The following CD82 variants were observed in gnomAD, a reference collection of about 807,000 sequenced individuals.
The protein encoded by CD82 is CD82 molecule, also known as CD82 antigen.
Under a neutral mutation model 37.4 loss-of-function variants are expected in CD82, and 36 were observed. The ratio of observed to expected loss-of-function variants is 0.96; its 90% CI spans 0.74 to 1.27. The LOEUF (loss-of-function observed/expected upper bound fraction) is 1.27, where lower values mean the gene tolerates loss of function less well. CD82 is among the 50% of genes most tolerant of loss of function. The pLI, the probability that CD82 is intolerant of heterozygous loss-of-function variation, is 0.00. For synonymous variants in CD82, 158 were observed against 137.4 expected (o/e 1.15, Z -1.05); for missense variants, 340 against 347.0 (o/e 0.98, Z 0.16).
intron 2 of CD82, among the ~76,000 whole-genome samples, chr11:44,588,575 A>T (rs1190897189): frequency 3.3e-5 from 5 of 152,212 alleles, no homozygotes; most frequent in South Asian, 2.1e-4. Flanking sequence ...TGAGGCTCAG[A>T]GAGGTTAAGT....
chr11:44,598,716 G>A (rs1422482418), intron 3 of CD82, among the ~76,000 whole-genome samples: 1 of 152,138 alleles, frequency 6.6e-6, no homozygotes, highest in Non-Finnish European at 1.5e-5. Flanking sequence ...CGTGCCTTGG[G>A]CCGGTCCTGG....
intron 6 of CD82, 81 bp from the exon 7 acceptor site, chr11:44,615,191 G>A (rs975682524): frequency 2.3e-6 from 2 of 878,954 alleles, no homozygotes; most frequent in Non-Finnish European, 3.8e-6. Flanking sequence ...GGAACGGGGG[G>A]AGGCAGTTTA....
intron 7 of CD82, among the ~76,000 whole-genome samples, chr11:44,617,272 T>C (rs1853577412): frequency 6.6e-6 from 1 of 152,150 alleles, no homozygotes; most frequent in African/African-American, 2.4e-5. Flanking sequence ...ATGGCAGAAT[T>C]GACCAGCTAG....
intron 6 of CD82, among the ~76,000 whole-genome samples, chr11:44,614,837 AG>A (rs1432694729): frequency 6.6e-6 from 1 of 152,152 alleles, no homozygotes; most frequent in Admixed American, 6.5e-5. Flanking sequence ...GCAGGTGCAA[AG>A]GCCCCAAGGC....
chr11:44,615,614 T>C (rs1205501339), intron 7 of CD82, among the ~76,000 whole-genome samples: 2 of 152,158 alleles, frequency 1.3e-5, no homozygotes, highest in African/African-American at 4.8e-5. Context: ...CCAGAGAGCA[T>C]GGGGGCAGTT....
intron 1 of CD82, among the ~76,000 whole-genome samples, chr11:44,579,844 TC>T (rs1484286744): frequency 6.6e-6 from 1 of 152,172 alleles, no homozygotes; most frequent in African/African-American, 2.4e-5. Flanking sequence ...GGAGCTGGGC[TC>T]CCGTCATGGA....
At chr11:44,567,381 CTG>C (rs769311955) in intron 1 of CD82, among the ~76,000 whole-genome samples, 11 of 148,872 alleles carry the variant, frequency 7.4e-5, no homozygotes, top group African/African-American at 1.2e-4. Flanking sequence ...GTGCAGGAGA[CTG>C]TGTGTGTATG....
chr11:44,577,993 C>T (rs12577062), intron 1 of CD82, among the ~76,000 whole-genome samples: 8,598 of 152,152 alleles, frequency 0.057, 301 homozygotes, highest in African/African-American at 0.094. Context: ...TCCCTGGGCA[C>T]GTTACTAACC....
chr11:44,586,244 G>A (rs569991403), intron 1 of CD82, among the ~76,000 whole-genome samples: 10 of 151,218 alleles, frequency 6.6e-5, no homozygotes, highest in Admixed American at 1.3e-4. Flanking sequence ...TAATTCCTGT[G>A]TGCAGCCAAG....
At chr11:44,573,039 C>A (rs1323201336) in intron 1 of CD82, 1 of 152,298 alleles carries the variant, frequency 6.6e-6, no homozygotes, top group Non-Finnish European at 1.5e-5. Context: ...CGGGGCCCCA[C>A]TGAGTCTGCC....
chr11:44,618,572 C>A, intron 8 of CD82, 68 bp from the exon 9 acceptor site: 1 of 1,368,772 alleles, frequency 7.3e-7, no homozygotes, highest in Non-Finnish European at 1.0e-6. Context: ...GGGGGGCTCT[C>A]GGTGGTTCTG....
chr11:44,585,064 CCAGTGGCA>C (rs1853033667), intron 1 of CD82: 1 of 377,836 alleles, frequency 2.6e-6, no homozygotes, highest in African/African-American at 2.1e-5. Flanking sequence ...CAAGCAGTTC[CCAGTGGCA>C]CAGCCTGGAG....
upstream of CD82, among the ~76,000 whole-genome samples, chr11:44,565,336 G>C (rs1168519460): frequency 6.6e-6 from 1 of 152,192 alleles, no homozygotes; most frequent in Admixed American, 6.5e-5. Context: ...GGAGCTGGGC[G>C]GGACCGTTAG....
rs776946644 is a variant in CD82, at chr11:44,594,738, C to T, written c.63+13C>T. 2.5e-6 allele frequency: 4 copies of T among 1,608,326 alleles called. No homozygotes were observed. The Admixed American group carries it at 5.0e-5, about 20-fold the overall frequency. On this transcript the variant is annotated intron_variant, in intron 3 of 9. Transcript: ENST00000227155. ...CTTGATCTTCTTTGTAAGTATGTCC[C>T]ATGCCGTCCTGACCACCTCCGAAAA...
chr11:44,608,929 C>T (rs1853440381), intron 6 of CD82, among the ~76,000 whole-genome samples: 1 of 151,718 alleles, frequency 6.6e-6, no homozygotes, highest in Non-Finnish European at 1.5e-5. Context: ...GGGCGTCGTG[C>T]GGCACTCAGC....
chr11:44,580,456 G>A (rs553512780), intron 1 of CD82, among the ~76,000 whole-genome samples: 6 of 152,328 alleles, frequency 3.9e-5, no homozygotes, highest in Admixed American at 1.3e-4. Flanking sequence ...GGCCAGGCGC[G>A]GTGGCTCACG....
At chr11:44,601,963 C>T (rs150739754) in intron 4 of CD82, among the ~76,000 whole-genome samples, 52 of 152,084 alleles carry the variant, frequency 3.4e-4, no homozygotes, top group African/African-American at 1.3e-3. Context: ...AGGGGCAGAA[C>T]TGGGGACAGC....
rs1244327019 is a variant in CD82 at position 44,587,542 on chromosome 11, C to G, written c.-35C>G. Reference sequence around the variant, plus strand: ...GAAGTGGGCCCTGTGACCAGCTGCACTGGTTTCGTGGAAGGTAAGTCCTGG... The same window carrying G: ...GAAGTGGGCCCTGTGACCAGCTGCAGTGGTTTCGTGGAAGGTAAGTCCTGG... On this transcript the variant is annotated 5_prime_UTR_variant, in exon 2 of 10. Coordinates refer to ENST00000227155, the MANE Select transcript of CD82 (RefSeq NM_002231.4). The G allele has an allele frequency of 2.2e-6, 1 of 456,342 alleles. No homozygotes were observed. Among genetic ancestry groups the G allele is most frequent in the East Asian group, 7.0e-5 (1 of 14,382 alleles). 28.3% of individuals were successfully genotyped at this position (456,342 alleles called of 1,614,324 possible). A position where few individuals can be genotyped will look rare whatever the true frequency, so the allele number is the denominator to read the frequency against.
rs112762799 is a variant in CD82 at position 44,602,682 on chromosome 11, T to A, written c.137-2376T>A. On this transcript the variant is annotated intron_variant, in intron 4 of 9. Transcript: ENST00000227155. Reference sequence around the variant, plus strand: ...GAAAGACTAAAAGGTGAAAAAAAAATTTTTTTTTCCATGCCCTGTGGATGG... The same window carrying A: ...GAAAGACTAAAAGGTGAAAAAAAAAATTTTTTTTCCATGCCCTGTGGATGG... Among the ~76,000 whole-genome samples, 6 of 151,916 alleles carry A rather than the reference T, an allele frequency of 3.9e-5. 1 individual carries two copies. The highest frequency in any genetic ancestry group is 1.9e-4 in the East Asian group (1 of 5,168).
Sources: allele counts gnomAD v4.1 joint callset (sites outside exome capture counted in the v4.1 genomes callset), GRCh38; gene constraint gnomAD v4.1.1; transcripts MANE v1.5; gene names NCBI Gene and HGNC (gene_info 2026-07-23, HGNC 2026-07-21).